NLGN1: variants seen among roughly 807,000 people sequenced by gnomAD.
The protein encoded by NLGN1 is neuroligin-1.
Under a neutral mutation model 65.5 loss-of-function variants are expected in NLGN1, and 12 were observed. The observed-to-expected ratio is 0.18, with a 90% confidence interval of 0.12 to 0.30. The LOEUF is 0.30. Ranked by LOEUF, NLGN1 falls within the 10% of genes least tolerant of loss-of-function variation. The pLI is 1.00. For synonymous variants in NLGN1, 350 were observed against 359.5 expected (o/e 0.97, Z 0.30); for missense variants, 750 against 1,007.1 (o/e 0.74, Z 3.46).
At chr3:173,761,691 A>C (rs554926618) in intron 3 of NLGN1, among the ~76,000 whole-genome samples, 40 of 152,140 alleles carry the variant, frequency 2.6e-4, no homozygotes, top group Middle Eastern at 3.4e-3. Context: ...TATTTCTTCT[A>C]GTCTGGTAGC....
chr3:174,152,623 T>A (rs933602880), intron 4 of NLGN1, among the ~76,000 whole-genome samples: 3 of 151,922 alleles, frequency 2.0e-5, no homozygotes, highest in African/African-American at 7.2e-5. Flanking sequence ...TGTGCACATG[T>A]ACCCTAGAAC....
chr3:173,784,001 A>G (rs772267802), intron 3 of NLGN1, among the ~76,000 whole-genome samples: 1 of 152,214 alleles, frequency 6.6e-6, no homozygotes, highest in African/African-American at 2.4e-5. Context: ...TTGATTATGT[A>G]GCAGGTTTCC....
At chr3:173,880,452 C>A (rs1452823416) in intron 4 of NLGN1, among the ~76,000 whole-genome samples, 4 of 151,450 alleles carry the variant, frequency 2.6e-5, no homozygotes, top group Non-Finnish European at 5.9e-5. Context: ...CAGACTACTG[C>A]AATAAAGCAA....
chr3:173,669,306 A>G (rs753855800), intron 3 of NLGN1, among the ~76,000 whole-genome samples: 4 of 152,204 alleles, frequency 2.6e-5, no homozygotes, highest in Non-Finnish European at 5.9e-5. Flanking sequence ...AGTACCACAA[A>G]CTGGGTGGCT....
At chr3:173,486,310 C>T (rs536317707) in intron 2 of NLGN1, among the ~76,000 whole-genome samples, 5 of 152,236 alleles carry the variant, frequency 3.3e-5, no homozygotes, top group African/African-American at 7.2e-5. Context: ...GATCCGCCTG[C>T]CTCGGCCTCC....
At chr3:173,941,688 A>G (rs1746123280) in intron 4 of NLGN1, among the ~76,000 whole-genome samples, 1 of 151,940 alleles carries the variant, frequency 6.6e-6, no homozygotes, top group Non-Finnish European at 1.5e-5. Context: ...ATATGTATAT[A>G]TATAGTGTGT....
At chr3:173,637,925 C>T (rs1756841695) in intron 3 of NLGN1, among the ~76,000 whole-genome samples, 1 of 152,176 alleles carries the variant, frequency 6.6e-6, no homozygotes, top group Non-Finnish European at 1.5e-5. Flanking sequence ...GACGGCGTTT[C>T]ATTCCCTTAT....
At chr3:173,771,685 CAAT>C (rs889020497) in intron 3 of NLGN1, among the ~76,000 whole-genome samples, 8 of 151,816 alleles carry the variant, frequency 5.3e-5, no homozygotes, top group Non-Finnish European at 1.0e-4. Flanking sequence ...TCCAAGAACT[CAAT>C]ATTATTAAAA....
intron 3 of NLGN1, among the ~76,000 whole-genome samples, chr3:173,678,110 A>T (rs1179027580): frequency 4.6e-5 from 7 of 152,086 alleles, no homozygotes; most frequent in African/African-American, 1.7e-4. Context: ...ACAGCCTCTG[A>T]ATTGAAATAC....
intron 4 of NLGN1, among the ~76,000 whole-genome samples, chr3:174,063,909 G>A (rs1371344165): frequency 6.6e-6 from 1 of 151,818 alleles, no homozygotes; most frequent in Non-Finnish European, 1.5e-5. Flanking sequence ...AAAACAAGGG[G>A]GCTGGGTGTA....
At chr3:173,781,274 C>G (rs1781115541) in intron 3 of NLGN1, among the ~76,000 whole-genome samples, 1 of 151,906 alleles carries the variant, frequency 6.6e-6, no homozygotes, top group East Asian at 1.9e-4. Context: ...GATATCCTTC[C>G]AGGAAATATC....
At position 173,830,010 on chromosome 3, in the gene NLGN1, G is replaced by A. The variant is rs948162645; in HGVS notation, c.646+22178G>A. On this transcript the variant is annotated intron_variant, in intron 4 of 6. Transcript: ENST00000457714. ...TATAGAATTACAGTGGGTAGTGTGGGGGGGGGAGGGAGAGAATAAAAAGAA... is the reference window on the plus strand; with the variant it reads ...TATAGAATTACAGTGGGTAGTGTGGAGGGGGGAGGGAGAGAATAAAAAGAA... Among the ~76,000 whole-genome samples the A allele has an allele frequency of 2.0e-4, 28 of 139,336 alleles. No homozygotes were observed. The East Asian group carries it at 3.1e-3, about 15-fold the overall frequency. 91.4% of individuals were successfully genotyped at this position (139,336 alleles called of 152,430 possible).
intron 3 of NLGN1, among the ~76,000 whole-genome samples, chr3:173,792,785 T>C (rs1253304855): frequency 6.6e-6 from 1 of 152,192 alleles, no homozygotes; most frequent in African/African-American, 2.4e-5. Flanking sequence ...AGTGGAACAA[T>C]GAAAGTCATG....
At chr3:173,724,426 C>G (rs941407572) in intron 3 of NLGN1, 3 of 187,116 alleles carry the variant, frequency 1.6e-5, no homozygotes, top group Non-Finnish European at 3.6e-5. Context: ...CAGGCATGCA[C>G]CACCATGCCC....
At chr3:173,784,392 A>T (rs1032865398) in intron 3 of NLGN1, among the ~76,000 whole-genome samples, 3 of 152,162 alleles carry the variant, frequency 2.0e-5, no homozygotes, top group African/African-American at 7.2e-5. Context: ...GAGGATATAG[A>T]TCATGGGAGC....
chr3:173,618,190 G>T (rs1753427148), intron 3 of NLGN1, among the ~76,000 whole-genome samples: 1 of 148,336 alleles, frequency 6.7e-6, no homozygotes, highest in Non-Finnish European at 1.5e-5. Context: ...TTTTGTCATT[G>T]TTCTTCTTTT....
rs758544343 is a variant in NLGN1 at position 173,534,096 on chromosome 3, T to G, written c.-320-70183T>G. ...ACTTAAGCTTATTCAGTCTTATTCC[T>G]GATCAGGAAAATGGGGATAATGCTT... On this transcript the variant is annotated intron_variant, in intron 2 of 6. Transcript: ENST00000457714. 7.2e-5 allele frequency among the ~76,000 whole-genome samples: 11 copies of G among 152,226 alleles called. No individual in the cohort carries two copies. The South Asian group carries it at 1.2e-3, about 17-fold the overall frequency.
rs1325304302 is a variant in NLGN1, at chr3:174,046,162, A to G, written c.647-229153A>G. Among the ~76,000 whole-genome samples the G allele has an allele frequency of 2.6e-5, 4 of 152,212 alleles. 1 individual carries two copies. Among genetic ancestry groups the G allele is most frequent in the African/African-American group, 7.2e-5 (3 of 41,466 alleles). The stretch of plus-strand genomic sequence containing the variant: ...TTTGCAAGAGCATGTAAAAAATTGA[A>G]GCTCCATACTATATTTCCTTAAATG... On this transcript the variant is annotated intron_variant, in intron 4 of 6. Transcript: ENST00000457714.
At chr3:173,940,079 G>GTTTTTT (rs1745752029) in intron 4 of NLGN1, among the ~76,000 whole-genome samples, 4 of 90,072 alleles carry the variant, frequency 4.4e-5, no homozygotes, top group East Asian at 3.7e-4. Flanking sequence ...AATAGTTATA[G>GTTTTTT]CTTTTTTTTT....
Sources: allele counts gnomAD v4.1 joint callset (sites outside exome capture counted in the v4.1 genomes callset), GRCh38; gene constraint gnomAD v4.1.1; transcripts MANE v1.5; gene names NCBI Gene and HGNC (gene_info 2026-07-23, HGNC 2026-07-21).